Variants in RGS6 observed in about 807,000 individuals in gnomAD.
RGS6 encodes regulator of G protein signaling 6.
Under a neutral mutation model 78.5 loss-of-function variants are expected in RGS6, and 30 were observed. The observed-to-expected ratio is 0.38, with a 90% confidence interval of 0.29 to 0.52. The LOEUF (loss-of-function observed/expected upper bound fraction) is 0.52, where lower values mean the gene tolerates loss of function less well. Among genes scored for constraint, RGS6 ranks in the 20% least tolerant of loss-of-function variants. RGS6 has a pLI of 0.85. For synonymous variants in RGS6, 206 were observed against 206.0 expected, an observed-to-expected ratio of 1.00 and a Z score of 0.00; for missense variants, 495 against 609.7, an observed-to-expected ratio of 0.81 and a Z score of 1.98.
chr14:71,871,593 C>T, the RGS6 span, among the ~76,000 whole-genome samples: 6 of 152,116 alleles, frequency 3.9e-5, no homozygotes, highest in Non-Finnish European at 7.4e-5. Context: ...CTATTCCTGA[C>T]TGTAGATTTT....
the RGS6 span, among the ~76,000 whole-genome samples, chr14:71,919,016 C>T: frequency 6.6e-6 from 1 of 151,446 alleles, no homozygotes; most frequent in South Asian, 2.1e-4. Flanking sequence ...AAGTGATGCT[C>T]CCAACAAAAC....
At chr14:72,118,650 A>G (rs1453943191) in intron 2 of RGS6, among the ~76,000 whole-genome samples, 4 of 152,244 alleles carry the variant, frequency 2.6e-5, no homozygotes, top group Non-Finnish European at 5.9e-5. Flanking sequence ...AGCCCTGGAC[A>G]GCACTATTCC....
chr14:72,621,867 C>T, the RGS6 span, among the ~76,000 whole-genome samples: 1 of 152,140 alleles, frequency 6.6e-6, no homozygotes, highest in Non-Finnish European at 1.5e-5. Context: ...GATGATACAG[C>T]CACCCAATGG....
chr14:72,030,446 G>A (rs184198644), intron 2 of RGS6, among the ~76,000 whole-genome samples: 92 of 152,310 alleles, frequency 6.0e-4, no homozygotes, highest in African/African-American at 2.0e-3. Flanking sequence ...GCTGTAGGTT[G>A]GCTGGTATCA....
At chr14:72,052,579 T>TC (rs2093316863) in intron 2 of RGS6, among the ~76,000 whole-genome samples, 1 of 152,200 alleles carries the variant, frequency 6.6e-6, no homozygotes, top group African/African-American at 2.4e-5. Context: ...GTCGGAATCT[T>TC]CCCTGCTTAG....
At chr14:72,473,410 C>CTCCAG (rs768998425) in intron 9 of RGS6, among the ~76,000 whole-genome samples, 62 of 152,260 alleles carry the variant, frequency 4.1e-4, no homozygotes, top group Middle Eastern at 3.4e-3. Flanking sequence ...CACCACTGCA[C>CTCCAG]TCCAGCCTCG....
intron 2 of RGS6, among the ~76,000 whole-genome samples, chr14:72,296,155 T>A (rs2064779155): frequency 6.6e-6 from 1 of 152,226 alleles, no homozygotes; most frequent in African/African-American, 2.4e-5. Context: ...TAGCATAATA[T>A]TTTTGAGATT....
chr14:72,315,153 CAG>C (rs1486464825), intron 2 of RGS6, among the ~76,000 whole-genome samples: 2 of 160 alleles, frequency 0.013, no homozygotes, highest in Non-Finnish European at 0.029. Context: ...ATGTAAATAT[CAG>C]CTGAGAGATT....
intron 17 of RGS6, among the ~76,000 whole-genome samples, chr14:72,560,452 G>T (rs1397434929): frequency 6.6e-6 from 1 of 152,162 alleles, no homozygotes; most frequent in Non-Finnish European, 1.5e-5. Context: ...CTGCCTTCAG[G>T]CCTGCCCCAG....
chr14:72,007,852 T>G (rs1043864324), intron 2 of RGS6, among the ~76,000 whole-genome samples: 8 of 152,088 alleles, frequency 5.3e-5, no homozygotes, highest in African/African-American at 1.9e-4. Context: ...CCCATGGAGT[T>G]GAAAGGGGGT....
At chr14:71,922,816 T>G in the RGS6 span, among the ~76,000 whole-genome samples, 1 of 152,052 alleles carries the variant, frequency 6.6e-6, no homozygotes, top group South Asian at 2.1e-4. Context: ...TCTTTTTGTT[T>G]GTTTACCACA....
At chr14:72,456,196 A>G (rs2095625365) in intron 4 of RGS6, among the ~76,000 whole-genome samples, 1 of 152,138 alleles carries the variant, frequency 6.6e-6, no homozygotes, top group African/African-American at 2.4e-5. Context: ...GGAATAGTCT[A>G]AGGGGGGAGA....
At chr14:71,889,200 A>C in the RGS6 span, among the ~76,000 whole-genome samples, 3 of 152,090 alleles carry the variant, frequency 2.0e-5, no homozygotes, top group Admixed American at 2.0e-4. Flanking sequence ...CTGGGCCTTG[A>C]AATAAAGGTG....
At chr14:72,619,807 C>G in the RGS6 span, 11 of 1,146,906 alleles carry the variant, frequency 9.6e-6, no homozygotes, top group East Asian at 2.7e-4. Context: ...ACATGTAAAC[C>G]CATTAGCATA....
At chr14:72,054,139 G>C (rs1252739253) in intron 2 of RGS6, among the ~76,000 whole-genome samples, 1 of 152,106 alleles carries the variant, frequency 6.6e-6, no homozygotes, top group East Asian at 1.9e-4. Flanking sequence ...TCATACTGAA[G>C]GATTCCTACT....
At chr14:72,533,223 A>G (rs2097204283) in intron 15 of RGS6, among the ~76,000 whole-genome samples, 1 of 152,226 alleles carries the variant, frequency 6.6e-6, no homozygotes, top group Non-Finnish European at 1.5e-5. Flanking sequence ...CCTGTGTTCT[A>G]TAAATGGACC....
At chr14:72,096,280 TA>T (rs34691700) in intron 2 of RGS6, among the ~76,000 whole-genome samples, 9,183 of 143,948 alleles carry the variant, frequency 0.064, 298 homozygotes, top group Middle Eastern at 0.098. Flanking sequence ...GACTCTGTCT[TA>T]AAAAAAAAAA....
At chr14:72,209,949 A>C (rs1483112468) in intron 2 of RGS6, among the ~76,000 whole-genome samples, 1 of 152,186 alleles carries the variant, frequency 6.6e-6, no homozygotes, top group African/African-American at 2.4e-5. Flanking sequence ...TATCTGCGTA[A>C]TGGTCTTATC....
intron 2 of RGS6, among the ~76,000 whole-genome samples, chr14:72,077,212 C>G (rs564810675): frequency 1.8e-3 from 271 of 152,034 alleles, no homozygotes; most frequent in African/African-American, 6.1e-3. Context: ...TAATTGAACA[C>G]CTTTCCATAT....
Sources: allele counts gnomAD v4.1 joint callset (sites outside exome capture counted in the v4.1 genomes callset), GRCh38; gene constraint gnomAD v4.1.1; transcripts MANE v1.5; gene names NCBI Gene and HGNC (gene_info 2026-07-23, HGNC 2026-07-21).